The following EDA variants were observed in gnomAD, a reference collection of about 807,000 sequenced individuals.
EDA encodes the protein ectodysplasin A.
A neutral mutation model predicts 23.6 loss-of-function variants in EDA; 2 were observed. The ratio of observed to expected loss-of-function variants is 0.08; its 90% CI spans 0.03 to 0.27. The LOEUF (loss-of-function observed/expected upper bound fraction) is 0.27, where lower values mean the gene tolerates loss of function less well. EDA is among the 10% of genes least tolerant of loss of function. The pLI is 1.00. For missense variants in EDA, 229 were observed against 324.2 expected, an observed-to-expected ratio of 0.71 and a Z score of 2.26; for synonymous variants, 131 against 132.0, an observed-to-expected ratio of 0.99 and a Z score of 0.05.
chrX:69,875,933 G>A (rs1398511970), intron 1 of EDA, among the ~76,000 whole-genome samples: 3 of 111,185 alleles, frequency 2.7e-5, no homozygotes, highest in Admixed American at 9.5e-5. Context: ...CCAAAACCAC[G>A]TGATACCACC....
intron 1 of EDA, among the ~76,000 whole-genome samples, chrX:69,824,488 G>A (rs2016346972): frequency 9.1e-6 from 1 of 110,465 alleles, no homozygotes; most frequent in African/African-American, 3.3e-5. Flanking sequence ...CTCATGATTT[G>A]GCTCTCTGTT....
At chrX:69,812,162 C>T (rs943019373) in intron 1 of EDA, among the ~76,000 whole-genome samples, 1 of 111,786 alleles carries the variant, frequency 8.9e-6, no homozygotes, top group Non-Finnish European at 1.9e-5. Flanking sequence ...TTTAAAATAT[C>T]GATGTTAGTA....
chrX:69,624,638 T>C (rs1002335668), intron 1 of EDA, among the ~76,000 whole-genome samples: 1 of 111,464 alleles, frequency 9.0e-6, no homozygotes, highest in Non-Finnish European at 1.9e-5. Context: ...TCAATCCAAG[T>C]GAAGGTTGAC....
At chrX:69,748,937 G>C (rs1478563336) in intron 1 of EDA, among the ~76,000 whole-genome samples, 1 of 111,050 alleles carries the variant, frequency 9.0e-6, no homozygotes, top group Non-Finnish European at 1.9e-5. Context: ...AAAATACAGG[G>C]TCATTTTTTT....
intron 1 of EDA, among the ~76,000 whole-genome samples, chrX:69,654,556 A>G (rs1427206372): frequency 8.9e-6 from 1 of 112,204 alleles, no homozygotes; most frequent in African/African-American, 3.2e-5. Context: ...CTAAATGTCC[A>G]ACAACGATAG....
chrX:69,750,793 A>T (rs373582240), intron 1 of EDA, among the ~76,000 whole-genome samples: 1 of 111,628 alleles, frequency 9.0e-6, no homozygotes, highest in East Asian at 2.8e-4. Flanking sequence ...GCATTTTTTC[A>T]TGTGTCTGTG....
chrX:69,998,929 G>A (rs113897587), intron 2 of EDA, among the ~76,000 whole-genome samples: 1,773 of 110,913 alleles, frequency 0.016, 31 homozygotes, highest in African/African-American at 0.055. Context: ...TCCCAGTCTC[G>A]GGTATGTCTT....
chrX:69,958,502 A>G (rs1602565655), intron 2 of EDA, among the ~76,000 whole-genome samples: 1 of 70,742 alleles, frequency 1.4e-5, no homozygotes, highest in Non-Finnish European at 2.8e-5. Flanking sequence ...CAGAACAAGG[A>G]CCCCATAATA....
At chrX:69,915,591 G>GAAA (rs11435265) in intron 1 of EDA, among the ~76,000 whole-genome samples, 1 of 96,764 alleles carries the variant, frequency 1.0e-5, no homozygotes, top group Non-Finnish European at 2.1e-5. Context: ...CAACAAGAGC[G>GAAA]AAAAAAAAAA....
chrX:69,934,163 G>GA (rs1212927126), intron 1 of EDA, among the ~76,000 whole-genome samples: 1 of 111,808 alleles, frequency 8.9e-6, no homozygotes, highest in Non-Finnish European at 1.9e-5. Flanking sequence ...TATACTGGGG[G>GA]ACCTCTAAAT....
intron 1 of EDA, among the ~76,000 whole-genome samples, chrX:69,688,811 G>T (rs1934621203): frequency 8.9e-6 from 1 of 112,104 alleles, no homozygotes; most frequent in Admixed American, 9.5e-5. Flanking sequence ...AAGTAGCAAG[G>T]TCTAGGCTAT....
intron 1 of EDA, among the ~76,000 whole-genome samples, chrX:69,845,877 A>G (rs957793367): frequency 9.1e-6 from 1 of 109,522 alleles, no homozygotes; most frequent in Non-Finnish European, 1.9e-5. Context: ...TGCCACAACC[A>G]TGTGAGTGAA....
intron 1 of EDA, among the ~76,000 whole-genome samples, chrX:69,699,089 C>G (rs1302785644): frequency 9.0e-6 from 1 of 110,847 alleles, no homozygotes; most frequent in Non-Finnish European, 1.9e-5. Context: ...GCGGAGGGAC[C>G]CCTGGGGTGA....
At chrX:70,014,936 C>T (rs1286416419) in intron 2 of EDA, among the ~76,000 whole-genome samples, 2 of 111,968 alleles carry the variant, frequency 1.8e-5, no homozygotes, top group African/African-American at 6.5e-5. Context: ...TCAAATCTAA[C>T]ACTCATTGGC....
intron 2 of EDA, among the ~76,000 whole-genome samples, chrX:70,012,351 T>C (rs2019888287): frequency 8.9e-6 from 1 of 112,045 alleles, no homozygotes; most frequent in African/African-American, 3.2e-5. Context: ...TTGCTCTGAG[T>C]CAAGATGCTC....
intron 1 of EDA, among the ~76,000 whole-genome samples, chrX:69,862,154 T>C (rs2017396286): frequency 9.0e-6 from 1 of 111,257 alleles, no homozygotes. Flanking sequence ...GCTTCCAAAA[T>C]GGCTCACTCA....
At chrX:69,912,143 G>A (rs1000316338) in intron 1 of EDA, among the ~76,000 whole-genome samples, 1 of 111,805 alleles carries the variant, frequency 8.9e-6, no homozygotes, top group Non-Finnish European at 1.9e-5. Flanking sequence ...ATGTGTTCAA[G>A]TTTTATCATG....
chrX:69,650,244 G>C (rs1418024632), intron 1 of EDA, among the ~76,000 whole-genome samples: 2 of 112,087 alleles, frequency 1.8e-5, no homozygotes, highest in African/African-American at 6.5e-5. Flanking sequence ...TACTTATTGA[G>C]TTGCTACTTT....
At chrX:70,033,846 T>C (rs1273098775) in intron 7 of EDA, among the ~76,000 whole-genome samples, 2 of 112,035 alleles carry the variant, frequency 1.8e-5, no homozygotes, top group Non-Finnish European at 3.8e-5. Context: ...GCTGTTTGGC[T>C]GCACTGCCAA....
Sources: gnomAD v4.1 joint callset for allele counts (sites outside exome capture counted in the v4.1 genomes callset) on GRCh38, gnomAD v4.1.1 for gene constraint, MANE v1.5 for transcripts, NCBI Gene and HGNC (gene_info 2026-07-23, HGNC 2026-07-21) for gene names.